The following CEP128 variants were observed in gnomAD, a reference collection of about 807,000 sequenced individuals.
CEP128 encodes centrosomal protein 128kDa.
Under a neutral mutation model 156.7 loss-of-function variants are expected in CEP128, and 132 were observed. The observed-to-expected ratio is 0.84, with a 90% CI of 0.73 to 0.97. CEP128 has a LOEUF of 0.97. Among genes scored for constraint, CEP128 ranks in the 50% least tolerant of loss-of-function variants. The pLI is 0.00. For missense variants in CEP128, 1,252 were observed against 1,281.9 expected (o/e 0.98, Z 0.36); for synonymous variants, 469 against 448.9 (o/e 1.04, Z -0.57).
intron 5 of CEP128, chr14:80,905,420 T>G (rs1384927485): frequency 6.4e-6 from 1 of 155,126 alleles, no homozygotes; most frequent in East Asian, 1.9e-4. Flanking sequence ...AATGTTCAAT[T>G]ATCTAAATCA....
intron 19 of CEP128, among the ~76,000 whole-genome samples, chr14:80,627,106 A>G (rs1007277173): frequency 1.3e-5 from 2 of 152,260 alleles, no homozygotes; most frequent in Non-Finnish European, 2.9e-5. Context: ...AGATTCTGGG[A>G]AACTGGTAAC....
intron 19 of CEP128, among the ~76,000 whole-genome samples, chr14:80,720,319 G>A (rs971570708): frequency 1.1e-4 from 16 of 152,110 alleles, no homozygotes; most frequent in African/African-American, 3.4e-4. Context: ...CTAAGTGCAC[G>A]GTCCATTGAA....
intron 8 of CEP128, among the ~76,000 whole-genome samples, chr14:80,893,624 A>G (rs1403941144): frequency 6.6e-6 from 1 of 152,020 alleles, no homozygotes; most frequent in East Asian, 1.9e-4. Context: ...TTAAATGCAC[A>G]AAATAAAATT....
At chr14:80,719,986 T>C (rs757419957) in intron 19 of CEP128, among the ~76,000 whole-genome samples, 20 of 152,078 alleles carry the variant, frequency 1.3e-4, no homozygotes, top group African/African-American at 2.4e-4. Context: ...GTTGCAAAGA[T>C]AGAAACACAG....
In CEP128 at chr14:80,761,629, AAATT is replaced by A; in HGVS notation, c.2377-20_2377-17del. ...TATGTTTTTCCTAAGGCATTGAAAG[AAATT>A]AAACAAGGTGATTACTATTAAGTGG... On this transcript the variant is annotated splice_polypyrimidine_tract_variant and intron_variant, in intron 16 of 24. Coordinates refer to ENST00000555265, the MANE Select transcript of CEP128 (RefSeq NM_152446.5). The A allele has an allele frequency of 1.3e-6, 2 of 1,567,596 alleles. No individual in the cohort carries two copies. Among genetic ancestry groups the A allele is most frequent in the Non-Finnish European group, 1.7e-6 (2 of 1,150,222 alleles).
At chr14:80,861,296 G>C (rs900228905) in intron 9 of CEP128, among the ~76,000 whole-genome samples, 1 of 151,742 alleles carries the variant, frequency 6.6e-6, no homozygotes, top group African/African-American at 2.4e-5. Context: ...AAGTCCCAAA[G>C]ATAATTTTAC....
At chr14:80,720,417 G>A (rs1897772380) in intron 19 of CEP128, among the ~76,000 whole-genome samples, 1 of 152,148 alleles carries the variant, frequency 6.6e-6, no homozygotes, top group Non-Finnish European at 1.5e-5. Flanking sequence ...GATTAAATGT[G>A]GATAAGGAGA....
At chr14:80,835,750 A>T (rs1485399586) in intron 12 of CEP128, among the ~76,000 whole-genome samples, 4 of 152,170 alleles carry the variant, frequency 2.6e-5, no homozygotes, top group African/African-American at 9.7e-5. Context: ...CTGAGTTGTG[A>T]TTAATTTTTG....
intron 8 of CEP128, among the ~76,000 whole-genome samples, chr14:80,893,713 A>G (rs1889214220): frequency 1.3e-5 from 2 of 151,930 alleles, no homozygotes; most frequent in Admixed American, 6.6e-5. Context: ...CAGGGTGGGT[A>G]AGAAATTTTG....
chr14:80,883,154 G>C (rs925307072), intron 8 of CEP128, among the ~76,000 whole-genome samples: 5 of 152,064 alleles, frequency 3.3e-5, no homozygotes, highest in East Asian at 3.9e-4. Context: ...AACATCTCAT[G>C]TACCTGTAAG....
chr14:80,809,903 G>A (rs1281149155), intron 13 of CEP128, among the ~76,000 whole-genome samples: 1 of 151,382 alleles, frequency 6.6e-6, no homozygotes, highest in African/African-American at 2.4e-5. Context: ...AACACATGAA[G>A]ATATAAAACT....
At chr14:80,482,468 G>T (rs1887074782) in intron 14 of CEP128, among the ~76,000 whole-genome samples, 1 of 152,142 alleles carries the variant, frequency 6.6e-6, no homozygotes, top group Admixed American at 6.5e-5. Flanking sequence ...TTCTTTCATT[G>T]TGCATGCACC....
Position 80,947,583 on chromosome 14 carries a change from T to C in CEP128, c.-171-8043A>G, listed in dbSNP as rs1886375069. Among the ~76,000 whole-genome samples the C allele has an allele frequency of 2.6e-5, 4 of 152,282 alleles. No individual in the cohort carries two copies. The South Asian group carries it at 8.3e-4, about 32-fold the overall frequency. On this transcript the variant is annotated intron_variant, in intron 2 of 7. Transcript: ENST00000555529. ...TTTCTGAATACAGGGCCCTGAGTGA[T>C]TGCACAGGTCACAAACCCATGAAGT... is the stretch of plus-strand genomic sequence containing the variant.
chr14:80,485,099 A>G (rs1887133757), intron 14 of CEP128, among the ~76,000 whole-genome samples: 1 of 152,128 alleles, frequency 6.6e-6, no homozygotes, highest in African/African-American at 2.4e-5. Flanking sequence ...CTCACATGAG[A>G]TTTGTCTATG....
At chr14:80,670,495 G>A (rs1372665100) in intron 19 of CEP128, among the ~76,000 whole-genome samples, 1 of 152,172 alleles carries the variant, frequency 6.6e-6, no homozygotes, top group East Asian at 1.9e-4. Context: ...TGGATGGAAT[G>A]GGAGGCCATT....
intron 23 of CEP128, among the ~76,000 whole-genome samples, chr14:80,524,851 T>A (rs1888907298): frequency 6.6e-6 from 1 of 152,202 alleles, no homozygotes; most frequent in Non-Finnish European, 1.5e-5. Context: ...ACTTGCACTA[T>A]CTACTTGCAA....
At chr14:80,855,019 C>G (rs1887075217) in intron 9 of CEP128, among the ~76,000 whole-genome samples, 1 of 152,096 alleles carries the variant, frequency 6.6e-6, no homozygotes, top group Non-Finnish European at 1.5e-5. Context: ...GGGATTAAAG[C>G]TGGTTAAAAG....
At chr14:80,789,485 T>C (rs748797302) in intron 14 of CEP128, among the ~76,000 whole-genome samples, 18 of 152,184 alleles carry the variant, frequency 1.2e-4, no homozygotes, top group Non-Finnish European at 2.2e-4. Flanking sequence ...CTTCAGTAGG[T>C]TGCAGACTTG....
chr14:80,815,833 A>T (rs1884820180), intron 13 of CEP128, among the ~76,000 whole-genome samples: 1 of 152,222 alleles, frequency 6.6e-6, no homozygotes, highest in Non-Finnish European at 1.5e-5. Context: ...AAAAACAGAA[A>T]GTCAAATACT....
Sources: gnomAD v4.1 joint callset for allele counts (sites outside exome capture counted in the v4.1 genomes callset) on GRCh38, gnomAD v4.1.1 for gene constraint, MANE v1.5 for transcripts, NCBI Gene and HGNC (gene_info 2026-07-23, HGNC 2026-07-21) for gene names.